The following PRDM10 variants were observed in gnomAD, a reference collection of about 807,000 sequenced individuals.
The protein encoded by PRDM10 is PR domain zinc finger protein 10.
PRDM10 carries 65 observed loss-of-function variants against 133.1 expected under a neutral mutation model. The ratio of observed to expected loss-of-function variants is 0.49; its 90% CI spans 0.40 to 0.60. The LOEUF (loss-of-function observed/expected upper bound fraction) is 0.60, where lower values mean the gene tolerates loss of function less well. Among genes scored for constraint, PRDM10 ranks in the 20% least tolerant of loss-of-function variants. PRDM10 has a pLI of 0.00. For synonymous variants in PRDM10, 582 were observed against 580.4 expected (o/e 1.00, Z -0.04); for missense variants, 1,137 against 1,507.1 (o/e 0.75, Z 4.07).
chr11:129,944,418 T>TA (rs1219413007), intron 6 of PRDM10, among the ~76,000 whole-genome samples: 4 of 151,392 alleles, frequency 2.6e-5, no homozygotes, highest in Admixed American at 6.6e-5. Context: ...CCGTCTCTAC[T>TA]AAAAATACAA....
rs2135688325 is a variant in PRDM10 at position 129,900,050 on chromosome 11, A to C, written c.*2263T>G. The stretch of plus-strand genomic sequence containing the variant: ...AATCAATGATAAAAACAAAATCTAC[A>C]TCCAACCTACTCCAAAATACTCACA... On this transcript the variant is annotated 3_prime_UTR_variant, in exon 21 of 21. Coordinates refer to ENST00000360871, the MANE Select transcript of PRDM10 (RefSeq NM_199437.2). 6.5e-6 allele frequency: 1 copy of C among 152,776 alleles called. No homozygotes were observed. Among genetic ancestry groups the C allele is most frequent in the South Asian group, 2.1e-4 (1 of 4,824 alleles). 9.5% of individuals were successfully genotyped at this position (152,776 alleles called of 1,614,324 possible).
intron 11 of PRDM10, among the ~76,000 whole-genome samples, chr11:129,928,439 G>T (rs2135801496): frequency 6.6e-6 from 1 of 152,188 alleles, no homozygotes; most frequent in East Asian, 1.9e-4. Context: ...GCCCAGGCTG[G>T]AGTGCAGTGG....
chr11:129,999,198 A>G (rs765720095), intron 1 of PRDM10, among the ~76,000 whole-genome samples: 1 of 152,242 alleles, frequency 6.6e-6, no homozygotes, highest in Non-Finnish European at 1.5e-5. Flanking sequence ...CCACGTGAAC[A>G]GTTTAATGCT....
intron 7 of PRDM10, among the ~76,000 whole-genome samples, chr11:129,939,270 A>G (rs1951133017): frequency 6.6e-6 from 1 of 152,258 alleles, no homozygotes; most frequent in African/African-American, 2.4e-5. Context: ...AGTTCAATAT[A>G]TCAATTACCA....
At chr11:129,909,702 T>C (rs1419137183) in intron 19 of PRDM10, among the ~76,000 whole-genome samples, 5 of 152,202 alleles carry the variant, frequency 3.3e-5, no homozygotes, top group Admixed American at 3.3e-4. Flanking sequence ...AAAGGTCTCA[T>C]ACTTCCTGGC....
chr11:129,994,551 T>C (rs1398002607), intron 1 of PRDM10, among the ~76,000 whole-genome samples: 2 of 151,446 alleles, frequency 1.3e-5, no homozygotes, highest in African/African-American at 4.8e-5. Flanking sequence ...GACAGGAGGA[T>C]GGCTTGAACC....
rs374407694 is a variant in PRDM10, at chr11:129,963,232, C to CA, written c.-118-2151dup. Among the ~76,000 whole-genome samples, 327 of 151,002 alleles carry CA rather than the reference C, an allele frequency of 2.2e-3. 1 individual carries two copies. The highest frequency in any genetic ancestry group is 7.8e-3 in the African/African-American group (320 of 41,136). ...AAAACTACAAAATTGTACAAAAGGA[C>CA]ATAAAAGGCTCAGTAATTACAAAAT... On this transcript the variant is annotated intron_variant, in intron 1 of 20. Coordinates refer to ENST00000360871, the MANE Select transcript of PRDM10 (RefSeq NM_199437.2).
At chr11:129,909,771 C>A (rs1950128380) in intron 19 of PRDM10, among the ~76,000 whole-genome samples, 1 of 152,202 alleles carries the variant, frequency 6.6e-6, no homozygotes, top group South Asian at 2.1e-4. Flanking sequence ...TGTCAGCCAG[C>A]CTGCTACTGT....
At chr11:129,976,889 C>A (rs184724883) in intron 1 of PRDM10, among the ~76,000 whole-genome samples, 1 of 152,070 alleles carries the variant, frequency 6.6e-6, no homozygotes, top group African/African-American at 2.4e-5. Flanking sequence ...TCCTCCATAA[C>A]ATGTTTCTCA....
In PRDM10 at chr11:129,915,741, C is replaced by T; in HGVS notation, c.2445G>A (p.Leu815=). 2 of 1,614,160 alleles carry T rather than the reference C, an allele frequency of 1.2e-6. No homozygotes were observed. The highest frequency in any genetic ancestry group is 1.7e-6 in the Non-Finnish European group (2 of 1,180,042). The change falls in exon 16 of 21, where the codon CTG becomes CTA. Residue 815 remains leucine, a synonymous_variant. Transcript: ENST00000360871. ...TGCCCGTCAGCTGGGTGTGTGTGCTCAGCATGGGGTCTGGCTCTCCAGGAC... is the reference window on the plus strand; with the variant it reads ...TGCCCGTCAGCTGGGTGTGTGTGCTTAGCATGGGGTCTGGCTCTCCAGGAC... ...PAGPGEPDPM[L]STHTQLTGTI...
intron 1 of PRDM10, among the ~76,000 whole-genome samples, chr11:129,991,589 G>A (rs1291493279): frequency 3.3e-5 from 5 of 151,470 alleles, no homozygotes; most frequent in Admixed American, 2.6e-4. Context: ...GAGGCCGAGA[G>A]GGGTGGATCA....
At position 129,902,254 on chromosome 11, in the gene PRDM10, T is replaced by A; in HGVS notation, c.*59A>T. On this transcript the variant is annotated 3_prime_UTR_variant, in exon 21 of 21. Transcript: ENST00000360871. Reference sequence around the variant, plus strand: ...ACAAAAGAGCTCTACGTGTCAGAGCTTTCAGACTTATGAGAACAGACATGA... The same window carrying A: ...ACAAAAGAGCTCTACGTGTCAGAGCATTCAGACTTATGAGAACAGACATGA... 3.2e-6 allele frequency: 5 copies of A among 1,565,178 alleles called. No homozygotes were observed. Among genetic ancestry groups the A allele is most frequent in the Non-Finnish European group, 4.4e-6 (5 of 1,147,586 alleles).
intron 13 of PRDM10, among the ~76,000 whole-genome samples, chr11:129,921,258 G>A (rs146644051): frequency 6.6e-4 from 101 of 152,346 alleles, no homozygotes; most frequent in African/African-American, 2.4e-3. Flanking sequence ...GGGAATTGGT[G>A]GGAGAAGCAG....
intron 1 of PRDM10, among the ~76,000 whole-genome samples, chr11:129,983,111 G>T (rs144561656): frequency 0.016 from 2,489 of 151,820 alleles, 39 homozygotes; most frequent in South Asian, 0.053. Context: ...CGAATAGCTG[G>T]GATTACAGGT....
At position 129,980,319 on chromosome 11, in the gene PRDM10, C is replaced by T. The variant is rs147543320; in HGVS notation, c.-118-19237G>A. 9.9e-5 allele frequency among the ~76,000 whole-genome samples: 15 copies of T among 152,252 alleles called. No individual in the cohort carries two copies. In the East Asian group the frequency reaches 2.5e-3, roughly 25 times the overall value. ...AAGTGTGAATTAATGCAGGAGTCTC[C>T]GACCTTGACCCCCGGGGCCGCACAC... is the stretch of plus-strand genomic sequence containing the variant. On this transcript the variant is annotated intron_variant, in intron 1 of 20. Coordinates refer to ENST00000360871, the MANE Select transcript of PRDM10 (RefSeq NM_199437.2).
At chr11:129,971,792 C>A (rs1182527284) in intron 1 of PRDM10, among the ~76,000 whole-genome samples, 1 of 152,256 alleles carries the variant, frequency 6.6e-6, no homozygotes, top group African/African-American at 2.4e-5. Flanking sequence ...CGCACCGGGG[C>A]TGCAGGTGGA....
chr11:129,922,519 G>C (rs1950547925), intron 13 of PRDM10, among the ~76,000 whole-genome samples: 1 of 152,096 alleles, frequency 6.6e-6, no homozygotes, highest in Admixed American at 6.5e-5. Context: ...CTTTGCATCT[G>C]TTACAAATAT....
chr11:129,930,627 T>C (rs920322189), intron 11 of PRDM10, among the ~76,000 whole-genome samples: 2 of 152,222 alleles, frequency 1.3e-5, no homozygotes, highest in African/African-American at 4.8e-5. Flanking sequence ...CACATTTAGT[T>C]ACCCAAAATC....
chr11:129,912,634 C>T (rs1431726644), intron 17 of PRDM10, among the ~76,000 whole-genome samples: 3 of 152,024 alleles, frequency 2.0e-5, no homozygotes, highest in Non-Finnish European at 4.4e-5. Flanking sequence ...CACCTGTAGT[C>T]CCAGCTACTA....
Sources: allele counts gnomAD v4.1 joint callset (sites outside exome capture counted in the v4.1 genomes callset), GRCh38; gene constraint gnomAD v4.1.1; transcripts MANE v1.5; gene names NCBI Gene and HGNC (gene_info 2026-07-23, HGNC 2026-07-21).